Variants in ITGB5 observed in about 807,000 individuals in gnomAD.
ITGB5 encodes the protein integrin beta-5.
ITGB5 carries 38 observed loss-of-function variants against 84.8 expected under a neutral mutation model. That is an observed-to-expected ratio of 0.45 (90% CI 0.35 to 0.59). The LOEUF (loss-of-function observed/expected upper bound fraction) is 0.59, where lower values mean the gene tolerates loss of function less well. Among genes scored for constraint, ITGB5 ranks in the 20% least tolerant of loss-of-function variants. The pLI, the probability that ITGB5 is intolerant of heterozygous loss-of-function variation, is 0.01. For missense variants in ITGB5, 905 were observed against 1,034.5 expected (o/e 0.87, Z 1.72); for synonymous variants, 393 against 414.4 (o/e 0.95, Z 0.63).
intron 11 of ITGB5, chr3:124,769,349 C>T (rs978529658): frequency 2.1e-6 from 1 of 470,628 alleles, no homozygotes; most frequent in Non-Finnish European, 3.8e-6. Flanking sequence ...TGTCAGGTTG[C>T]AGACCTTTCA....
intron 1 of ITGB5, among the ~76,000 whole-genome samples, chr3:124,884,168 A>C (rs1934699110): frequency 6.6e-6 from 1 of 151,996 alleles, no homozygotes; most frequent in African/African-American, 2.4e-5. Flanking sequence ...TCCCTGAATA[A>C]AGTACCTGTA....
In ITGB5 at chr3:124,806,774, C is replaced by A. The variant is rs1469128165; in HGVS notation, c.1263+2248G>T. On this transcript the variant is annotated intron_variant, in intron 9 of 14. Transcript: ENST00000296181. ...TTATAACTATCTCTTTAAATCCTGT[C>A]CTGTCACTGTAAAGCATTAGTGTTT... Among the ~76,000 whole-genome samples the A allele has an allele frequency of 2.7e-5, 4 of 146,598 alleles. No individual in the cohort carries two copies. The Admixed American group carries it at 2.8e-4, about 10-fold the overall frequency.
chr3:124,793,306 G>A (rs571402817), intron 10 of ITGB5, among the ~76,000 whole-genome samples: 2 of 152,292 alleles, frequency 1.3e-5, no homozygotes, highest in South Asian at 4.1e-4. Context: ...GTTATTTCAG[G>A]ATCCTGAAGG....
At chr3:124,803,094 C>G (rs374914642) in intron 9 of ITGB5, among the ~76,000 whole-genome samples, 54 of 152,318 alleles carry the variant, frequency 3.5e-4, no homozygotes, top group African/African-American at 1.2e-3. Context: ...AAAACCACTT[C>G]AATACCTCTG....
intron 5 of ITGB5, among the ~76,000 whole-genome samples, chr3:124,823,347 C>A (rs1219461842): frequency 6.6e-6 from 1 of 151,224 alleles, no homozygotes; most frequent in Non-Finnish European, 1.5e-5. Flanking sequence ...AGGGAGAAGG[C>A]AGAAGAGGAA....
Position 124,763,596 on chromosome 3 carries a change from C to G in ITGB5, c.*27G>C, listed in dbSNP as rs372815649. The stretch of plus-strand genomic sequence containing the variant: ...CAGTCTGACCTTTTCATCAGATCCC[C>G]GCTCCAGCCCCTCGGAGAAGGAAAC... On this transcript the variant is annotated 3_prime_UTR_variant, in exon 15 of 15. Transcript: ENST00000296181. 3 of 1,416,712 alleles carry G rather than the reference C, an allele frequency of 2.1e-6. No individual in the cohort carries two copies. The highest frequency in any genetic ancestry group is 1.7e-5 in the Admixed American group (1 of 59,628). 87.8% of individuals were successfully genotyped at this position (1,416,712 alleles called of 1,614,324 possible). A position where few individuals can be genotyped will look rare whatever the true frequency, so the allele number is the denominator to read the frequency against.
chr3:124,862,018 G>A (rs377503017), intron 2 of ITGB5: 5 of 152,480 alleles, frequency 3.3e-5, no homozygotes, highest in Middle Eastern at 3.3e-3. Context: ...TGGGTCTGCT[G>A]TCTTGAGCTG....
chr3:124,898,455 A>G lies in ITGB5; in HGVS notation c.-255+2811T>C, dbSNP rs558415323. Among the ~76,000 whole-genome samples the G allele has an allele frequency of 1.4e-3, 208 of 149,866 alleles. 2 individuals are homozygous for G. Among genetic ancestry groups the G allele is most frequent in the South Asian group, 7.9e-3 (37 of 4,672 alleles). On this transcript the variant is annotated intron_variant, in intron 1 of 4. Coordinates refer to the ITGB5 transcript ENST00000608657. Reference sequence around the variant, plus strand: ...TCAGGAGATCGAGACCATCCTGGCTAACACAGTGAAACCCCATCTCTACCA... The same window carrying G: ...TCAGGAGATCGAGACCATCCTGGCTGACACAGTGAAACCCCATCTCTACCA...
In ITGB5 at chr3:124,763,321, C is replaced by T. The variant is rs2063719283; in HGVS notation, c.*302G>A. 1 of 245,398 alleles carries T rather than the reference C, an allele frequency of 4.1e-6. No homozygotes were observed. Among genetic ancestry groups the T allele is most frequent in the Non-Finnish European group, 7.9e-6 (1 of 126,198 alleles). 15.2% of individuals were successfully genotyped at this position (245,398 alleles called of 1,614,324 possible). A position where few individuals can be genotyped will look rare whatever the true frequency, so the allele number is the denominator to read the frequency against. ...TTCCTGGAAGGGAGAGACAGCCCAGCATCTCAGTATTTCATTGGGACAACA... is the reference window on the plus strand; with the variant it reads ...TTCCTGGAAGGGAGAGACAGCCCAGTATCTCAGTATTTCATTGGGACAACA... On this transcript the variant is annotated 3_prime_UTR_variant, in exon 15 of 15. Transcript: ENST00000296181.
intron 5 of ITGB5, among the ~76,000 whole-genome samples, chr3:124,827,460 A>G (rs2064799368): frequency 1.3e-5 from 2 of 152,246 alleles, no homozygotes; most frequent in Admixed American, 1.3e-4. Flanking sequence ...TATAACTGTT[A>G]CAGGGAATAT....
At chr3:124,843,001 C>T (rs12631961) in intron 4 of ITGB5, among the ~76,000 whole-genome samples, 64,928 of 152,060 alleles carry the variant, frequency 0.43, 14,083 homozygotes, top group East Asian at 0.67. Flanking sequence ...CTCTCCCTCT[C>T]GGGGCCGGCG....
chr3:124,866,289 A>T (rs1010526594), intron 2 of ITGB5, among the ~76,000 whole-genome samples: 1 of 152,110 alleles, frequency 6.6e-6, no homozygotes, highest in East Asian at 1.9e-4. Context: ...AGCTCCCTAC[A>T]TATTTTTTGC....
intron 5 of ITGB5, among the ~76,000 whole-genome samples, chr3:124,831,009 A>AACAAC (rs2064852244): frequency 6.6e-6 from 1 of 151,974 alleles, no homozygotes; most frequent in Non-Finnish European, 1.5e-5. Flanking sequence ...ACAACAACAA[A>AACAAC]AAAACAAGAA....
chr3:124,785,307 G>C (rs2064064645), intron 10 of ITGB5, among the ~76,000 whole-genome samples: 1 of 151,526 alleles, frequency 6.6e-6, no homozygotes, highest in African/African-American at 2.4e-5. Flanking sequence ...CTTGTGTCCG[G>C]GCGCGGTGGC....
In ITGB5 at chr3:124,873,501, G is replaced by T. The variant is rs1384841473; in HGVS notation, c.101C>A (p.Thr34Asn). 6.2e-7 allele frequency: 1 copy of T among 1,613,846 alleles called. No homozygotes were observed. The highest frequency in any genetic ancestry group is 1.7e-5 in the Admixed American group (1 of 59,986). ...GLNICTSGSA[T>N]SCEECLLIHP... is the part of the protein sequence containing the mutation. ...GATTAGCAGACATTCTTCACATGAGGTGGCACTTCCACTAGTGCATATGTT... is the reference window on the plus strand; with the variant it reads ...GATTAGCAGACATTCTTCACATGAGTTGGCACTTCCACTAGTGCATATGTT... The change falls in exon 2 of 15, where the codon ACC (threonine) becomes AAC (asparagine). Residue 34 changes from threonine to asparagine, a missense_variant. By Grantham distance (65) the Thr-to-Asn change is moderately conservative (BLOSUM62 0). Transcript: ENST00000296181.
chr3:124,861,447 G>A (rs1341442800), intron 2 of ITGB5, among the ~76,000 whole-genome samples: 2 of 149,560 alleles, frequency 1.3e-5, no homozygotes, highest in African/African-American at 2.5e-5. Flanking sequence ...CAGCCTGAGC[G>A]ACAGTGAGAC....
chr3:124,795,792 A>C (rs2064213713), intron 10 of ITGB5, among the ~76,000 whole-genome samples: 1 of 152,148 alleles, frequency 6.6e-6, no homozygotes, highest in African/African-American at 2.4e-5. Context: ...CAAGCCAAAG[A>C]ATACAGGTGG....
intron 10 of ITGB5, among the ~76,000 whole-genome samples, chr3:124,786,868 A>T (rs1050174496): frequency 6.6e-6 from 1 of 152,242 alleles, no homozygotes; most frequent in Non-Finnish European, 1.5e-5. Context: ...TCAAAGTGTC[A>T]GCTCAACCCC....
At chr3:124,779,432 C>T (rs1043633736) in intron 10 of ITGB5, among the ~76,000 whole-genome samples, 4 of 152,166 alleles carry the variant, frequency 2.6e-5, no homozygotes, top group African/African-American at 7.2e-5. Flanking sequence ...CAACCTCCCC[C>T]TACCCTGTGG....
Sources: allele counts gnomAD v4.1 joint callset (sites outside exome capture counted in the v4.1 genomes callset), GRCh38; gene constraint gnomAD v4.1.1; transcripts MANE v1.5; gene names NCBI Gene and HGNC (gene_info 2026-07-23, HGNC 2026-07-21).